Variants in JAZF1 observed in about 807,000 individuals in gnomAD.
The protein encoded by JAZF1 is JAZF zinc finger 1.
In JAZF1, 8 loss-of-function variants were observed where a neutral mutation model predicts 26.4. The observed-to-expected ratio is 0.30, with a 90% CI of 0.18 to 0.55. JAZF1 has a LOEUF of 0.55. JAZF1 is among the 20% of genes least tolerant of loss of function. The pLI, the probability that JAZF1 is intolerant of heterozygous loss-of-function variation, is 0.94. For missense variants in JAZF1, 199 were observed against 322.0 expected (o/e 0.62, Z 2.92); for synonymous variants, 126 against 122.3 (o/e 1.03, Z -0.20).
chr7:27,906,301 G>C (rs1245472170), intron 2 of JAZF1, among the ~76,000 whole-genome samples: 1 of 152,138 alleles, frequency 6.6e-6, no homozygotes, highest in Non-Finnish European at 1.5e-5. Flanking sequence ...CTGCAGACCA[G>C]TGGAAACGTC....
intron 3 of JAZF1, among the ~76,000 whole-genome samples, chr7:27,888,373 T>C (rs1356172374): frequency 6.6e-6 from 1 of 152,230 alleles, no homozygotes; most frequent in Admixed American, 6.5e-5. Context: ...GGGAGATGTA[T>C]GTTAGTTTAT....
intron 2 of JAZF1, among the ~76,000 whole-genome samples, chr7:27,959,322 C>A (rs185009617): frequency 1.3e-5 from 2 of 152,200 alleles, no homozygotes; most frequent in Admixed American, 1.3e-4. Flanking sequence ...AGCTAGCCAA[C>A]TCCTCTTTAT....
chr7:27,951,585 A>G (rs1414546788), intron 2 of JAZF1, among the ~76,000 whole-genome samples: 3 of 152,222 alleles, frequency 2.0e-5, no homozygotes, highest in African/African-American at 7.2e-5. Flanking sequence ...GAATTAGTTC[A>G]TTCAGCAAAC....
intron 1 of JAZF1, among the ~76,000 whole-genome samples, chr7:28,085,209 A>C (rs1459744375): frequency 6.6e-6 from 1 of 152,242 alleles, no homozygotes; most frequent in Admixed American, 6.5e-5. Flanking sequence ...ATTCTTGTTG[A>C]GAAGATCTGA....
intron 2 of JAZF1, among the ~76,000 whole-genome samples, chr7:27,963,516 A>G: frequency 6.6e-6 from 1 of 152,074 alleles, no homozygotes; most frequent in South Asian, 2.1e-4. Context: ...CAAACATTCA[A>G]ATAATTGCAC....
intron 3 of JAZF1, among the ~76,000 whole-genome samples, chr7:27,849,736 G>A (rs1783103919): frequency 1.5e-5 from 1 of 65,086 alleles, no homozygotes; most frequent in African/African-American, 8.0e-5. Context: ...AATCAATATT[G>A]GAACCCTTAC....
intron 2 of JAZF1, among the ~76,000 whole-genome samples, chr7:27,982,617 C>G (rs6943992): frequency 0.028 from 4,260 of 152,220 alleles, 198 homozygotes; most frequent in African/African-American, 0.098. Flanking sequence ...TCTCCCGGCA[C>G]GGAGTTTGAA....
At chr7:27,898,894 C>A (rs1489584449) in intron 2 of JAZF1, among the ~76,000 whole-genome samples, 1 of 152,094 alleles carries the variant, frequency 6.6e-6, no homozygotes, top group Non-Finnish European at 1.5e-5. Context: ...ATCATGGTAA[C>A]CTTGACATAC....
intron 1 of JAZF1, among the ~76,000 whole-genome samples, chr7:28,010,207 A>G (rs1020932973): frequency 6.6e-6 from 1 of 152,176 alleles, no homozygotes; most frequent in Admixed American, 6.5e-5. Context: ...AGGTTCAGAG[A>G]AAATCAGGGG....
At chr7:28,052,754 T>C (rs905662448) in intron 1 of JAZF1, among the ~76,000 whole-genome samples, 1 of 150,904 alleles carries the variant, frequency 6.6e-6, no homozygotes, top group Non-Finnish European at 1.5e-5. Flanking sequence ...TTTTAGAATA[T>C]AGGACATCCA....
chr7:28,144,279 A>G (rs1036765043), intron 1 of JAZF1, among the ~76,000 whole-genome samples: 8 of 152,250 alleles, frequency 5.3e-5, no homozygotes, highest in East Asian at 3.8e-4. Context: ...CTGATCTCCA[A>G]AAGGTTGACA....
At chr7:27,906,148 G>C (rs1043764058) in intron 2 of JAZF1, among the ~76,000 whole-genome samples, 2 of 152,142 alleles carry the variant, frequency 1.3e-5, no homozygotes, top group Non-Finnish European at 2.9e-5. Flanking sequence ...AAATACAAGG[G>C]CACTCAAATC....
chr7:28,083,753 C>T (rs149064728), intron 1 of JAZF1, among the ~76,000 whole-genome samples: 30 of 152,074 alleles, frequency 2.0e-4, no homozygotes, highest in African/African-American at 7.2e-4. Flanking sequence ...AAGGAAAAGC[C>T]TTGTCCGCTG....
chr7:28,060,232 C>T (rs1783777828), intron 1 of JAZF1, among the ~76,000 whole-genome samples: 1 of 152,144 alleles, frequency 6.6e-6, no homozygotes, highest in African/African-American at 2.4e-5. Flanking sequence ...GACATATTTT[C>T]AATCTTCTCT....
chr7:28,148,427 C>A (rs79131915), intron 1 of JAZF1, among the ~76,000 whole-genome samples: 16,529 of 152,234 alleles, frequency 0.11, 1,050 homozygotes, highest in Middle Eastern at 0.19. Flanking sequence ...CATAGCAGAG[C>A]AAGTGAATGT....
At chr7:28,144,996 T>C (rs984514738) in intron 1 of JAZF1, among the ~76,000 whole-genome samples, 6 of 152,246 alleles carry the variant, frequency 3.9e-5, no homozygotes, top group Non-Finnish European at 8.8e-5. Flanking sequence ...ACTCTCCTCT[T>C]CTGTTTTAAA....
intron 2 of JAZF1, among the ~76,000 whole-genome samples, chr7:27,954,283 C>A (rs560906908): frequency 1.3e-5 from 2 of 152,182 alleles, no homozygotes; most frequent in Non-Finnish European, 2.9e-5. Flanking sequence ...CTCTGCCCAG[C>A]CTGACTGGGG....
chr7:27,867,263 C>T (rs1783488495), intron 3 of JAZF1, among the ~76,000 whole-genome samples: 1 of 152,134 alleles, frequency 6.6e-6, no homozygotes. Context: ...TTAGGGTCTG[C>T]CAGCCAAAAC....
At chr7:27,914,532 T>C (rs896215015) in intron 2 of JAZF1, among the ~76,000 whole-genome samples, 3 of 152,208 alleles carry the variant, frequency 2.0e-5, no homozygotes, top group African/African-American at 4.8e-5. Context: ...AACCTTTTGT[T>C]GCCTGACTGC....
Sources: gnomAD v4.1 joint callset for allele counts (sites outside exome capture counted in the v4.1 genomes callset) on GRCh38, gnomAD v4.1.1 for gene constraint, MANE v1.5 for transcripts, NCBI Gene and HGNC (gene_info 2026-07-23, HGNC 2026-07-21) for gene names.